SPEG: variants seen among roughly 807,000 people sequenced by gnomAD.
SPEG encodes the protein striated muscle preferentially expressed protein kinase.
A neutral mutation model predicts 300.4 loss-of-function variants in SPEG; 114 were observed. The ratio of observed to expected loss-of-function variants is 0.38; its 90% CI spans 0.33 to 0.44. The LOEUF (loss-of-function observed/expected upper bound fraction) is 0.44. Ranked by LOEUF, SPEG falls within the 20% of genes least tolerant of loss-of-function variation. SPEG has a pLI of 1.00. For synonymous variants in SPEG, 1,964 were observed against 2,018.9 expected (o/e 0.97, Z 0.73); for missense variants, 4,201 against 4,586.2 (o/e 0.92, Z 2.43).
intron 6 of SPEG, among the ~76,000 whole-genome samples, chr2:219,460,139 C>T (rs1189845769): frequency 6.6e-6 from 1 of 152,178 alleles, no homozygotes; most frequent in South Asian, 2.1e-4. Flanking sequence ...GGTGCCCTGG[C>T]GGTTTGGGTA....
chr2:219,482,372 C>G (rs1426232872), intron 28 of SPEG: 3 of 192,856 alleles, frequency 1.6e-5, no homozygotes, highest in Non-Finnish European at 3.2e-5. Flanking sequence ...CCGTCTTGGT[C>G]TGGACCACCA....
At position 219,477,318 on chromosome 2, in the gene SPEG, G is replaced by T. The variant is rs1692441736; in HGVS notation, c.4602G>T (p.Val1534=). ...LLTESSHVSF[V]YEENECSLVV... is the part of the protein sequence containing the mutation. The stretch of plus-strand genomic sequence containing the variant: ...CCGAGAGCAGCCATGTGAGCTTCGT[G>T]TACGAGGAGAATGAGTGCTCCCTGG... Residue 1534 remains valine (V), a synonymous_variant, in exon 20 of 41, where the codon GTG becomes GTT. Transcript: ENST00000312358. This position sits in a 1 kb window ranked among gnomAD's most constrained non-coding sequence, Gnocchi z 6.4. 1.2e-6 allele frequency: 2 copies of T among 1,613,484 alleles called. No homozygotes were observed. The highest frequency in any genetic ancestry group is 1.7e-6 in the Non-Finnish European group (2 of 1,179,892).
At position 219,484,968 on chromosome 2, in the gene SPEG, G is replaced by A; in HGVS notation, c.7505G>A (p.Arg2502Gln). 1.3e-6 allele frequency: 2 copies of A among 1,529,472 alleles called. No individual in the cohort carries two copies. The highest frequency in any genetic ancestry group is 1.7e-6 in the Non-Finnish European group (2 of 1,144,130). 94.7% of individuals were successfully genotyped at this position (1,529,472 alleles called of 1,614,324 possible). The change falls in exon 30 of 41, where the codon CGG (arginine) becomes CAG (glutamine). Residue 2502 changes from arginine (R) to glutamine (Q), a missense_variant. Physicochemically the swap from Arg to Gln is conservative, Grantham distance 43. This residue lies in a region of SPEG where 1,578 missense variants were observed against 1,506.0 expected (regional missense o/e 1.05). Coordinates refer to ENST00000312358, the MANE Select transcript of SPEG (RefSeq NM_005876.5). ...GCCACGTCCGAGGGCGAGAGTCTGC[G>A]GCGCCTTGGCCTTCCGCACAACCAG... Reference protein sequence around the residue: ...RRATSEGESLRRLGLPHNQLA... With the variant: ...RRATSEGESLQRLGLPHNQLA...
At position 219,484,960 on chromosome 2, in the gene SPEG, G is replaced by A; in HGVS notation, c.7497G>A (p.Glu2499=). The change falls in exon 30 of 41, where the codon GAG becomes GAA. Residue 2499 remains glutamate, a synonymous_variant. Transcript: ENST00000312358. ...TTCGCAGGGCCACGTCCGAGGGCGA[G>A]AGTCTGCGGCGCCTTGGCCTTCCGC... is the stretch of plus-strand genomic sequence containing the variant. ...GRLRRATSEG[E]SLRRLGLPHN... The A allele has an allele frequency of 6.5e-7, 1 of 1,529,672 alleles. No homozygotes were observed. Among genetic ancestry groups the A allele is most frequent in the Non-Finnish European group, 8.7e-7 (1 of 1,144,246 alleles). 94.8% of individuals were successfully genotyped at this position (1,529,672 alleles called of 1,614,324 possible).
chr2:219,473,852 G>T lies in SPEG; in HGVS notation c.4396G>T (p.Ala1466Ser). Residue 1466 changes from alanine (A) to serine (S), a missense_variant, in exon 18 of 41, where the codon GCC becomes TCC. This residue lies in a region of SPEG where 1,047 missense variants were observed against 1,356.8 expected (regional missense o/e 0.77). Transcript: ENST00000312358. This position sits in a 1 kb window ranked among gnomAD's most constrained non-coding sequence, Gnocchi z 4.6. ...RRDMGALTCTARNRHGTQTCS... is the reference protein window; with the variant it reads ...RRDMGALTCTSRNRHGTQTCS... ...GGACATGGGGGCCCTCACCTGCACC[G>T]CCCGAAACCGTCACGGCACACAGAC... The T allele has an allele frequency of 1.2e-6, 2 of 1,613,602 alleles. No individual in the cohort carries two copies. The highest frequency in any genetic ancestry group is 1.7e-6 in the Non-Finnish European group (2 of 1,180,012).
chr2:219,466,134 C>T, intron 9 of SPEG: 2 of 1,560,620 alleles, frequency 1.3e-6, no homozygotes, highest in South Asian at 2.3e-5. Flanking sequence ...ACCTCTCGGA[C>T]CTCGCTGTGT....
At position 219,468,526 on chromosome 2, in the gene SPEG, T is replaced by C; in HGVS notation, c.3143-52T>C. The stretch of plus-strand genomic sequence containing the variant: ...TTAGGTCAGGAGTGGTGGGTTGGGA[T>C]GCCTGGGCCTCCTTAGCCTTCCCTA... On this transcript the variant is annotated intron_variant, in intron 10 of 40. Transcript: ENST00000312358. 6 of 1,583,018 alleles carry C rather than the reference T, an allele frequency of 3.8e-6. No individual in the cohort carries two copies. The East Asian group carries it at 1.3e-4, about 35-fold the overall frequency.
rs536603959 is a variant in SPEG, at chr2:219,459,201, C to T, written c.2441-2681C>T. On this transcript the variant is annotated intron_variant, in intron 6 of 40. Transcript: ENST00000312358. The surrounding 1 kb of genome is among the most constrained non-coding windows in gnomAD (Gnocchi z 4.9). The stretch of plus-strand genomic sequence containing the variant: ...GGCGGTACTTCCGTGGTGGGTTGTT[C>T]GGGGCCATTGAGTGTATGTGCCTAT... Among the ~76,000 whole-genome samples, 6 of 152,252 alleles carry T rather than the reference C, an allele frequency of 3.9e-5. No homozygotes were observed. Among genetic ancestry groups the T allele is most frequent in the Admixed American group, 2.0e-4 (3 of 15,300 alleles).
Position 219,479,060 on chromosome 2 carries a change from C to A in SPEG, c.5028-84C>A. ...CATTCTGTAAGGGGAAGGAGAACCC[C>A]GTGCTGAGCTGGGACCTGCCCTGAG... On this transcript the variant is annotated intron_variant, in intron 22 of 40. Transcript: ENST00000312358. The surrounding 1 kb of genome is among the most constrained non-coding windows in gnomAD (Gnocchi z 5.5). The A allele has an allele frequency of 8.2e-7, 1 of 1,222,156 alleles. No homozygotes were observed. 75.7% of individuals were successfully genotyped at this position (1,222,156 alleles called of 1,614,324 possible). A position where few individuals can be genotyped will look rare whatever the true frequency, so the allele number is the denominator to read the frequency against.
Position 219,469,463 on chromosome 2 carries a change from C to T in SPEG, c.3715+84C>T. On this transcript the variant is annotated intron_variant, in intron 13 of 40. Coordinates refer to ENST00000312358, the MANE Select transcript of SPEG (RefSeq NM_005876.5). ...GCCCTGCCCCTCTCCCCAGCTCTCC[C>T]CAGGCCTTTCCTCTGTAGCCTGACC... 6.3e-6 allele frequency: 7 copies of T among 1,118,646 alleles called. No homozygotes were observed. The South Asian group carries it at 8.8e-5, about 14-fold the overall frequency. The allele number at this position is 1,118,646 out of a possible 1,614,324, so 69.3% of individuals were successfully genotyped here.
In SPEG at chr2:219,444,386, G is replaced by A. The variant is rs1225741426; in HGVS notation, c.389-267G>A. Reference sequence around the variant, plus strand: ...ATAATCCATTAAGATATTGGCAGGCGGGGAGGGGGTGGCAGTTTGGAGGGC... The same window carrying A: ...ATAATCCATTAAGATATTGGCAGGCAGGGAGGGGGTGGCAGTTTGGAGGGC... On this transcript the variant is annotated intron_variant, in intron 1 of 40. Coordinates refer to ENST00000312358, the MANE Select transcript of SPEG (RefSeq NM_005876.5). The surrounding 1 kb of genome is among the most constrained non-coding windows in gnomAD (Gnocchi z 7.8). Among the ~76,000 whole-genome samples the A allele has an allele frequency of 2.6e-5, 4 of 152,160 alleles. No individual in the cohort carries two copies. The highest frequency in any genetic ancestry group is 7.2e-5 in the African/African-American group (3 of 41,434).
chr2:219,483,527 C>T lies in SPEG; in HGVS notation c.6064C>T (p.Arg2022Trp). 1 of 1,405,738 alleles carries T rather than the reference C, an allele frequency of 7.1e-7. No homozygotes were observed. The allele number at this position is 1,405,738 out of a possible 1,614,324, so 87.1% of individuals were successfully genotyped here. A position where few individuals can be genotyped will look rare whatever the true frequency, so the allele number is the denominator to read the frequency against. Reference protein sequence around the residue: ...RGSSAESALPRAGPRELGRGL... With the variant: ...RGSSAESALPWAGPRELGRGL... ...CAGCTCGGCTGAGAGCGCCCTGCCC[C>T]GGGCCGGGCCGCGGGAGCTGGGCCG... Residue 2022 changes from arginine to tryptophan, a missense_variant, in exon 30 of 41, where the codon CGG becomes TGG. Coordinates refer to ENST00000312358, the MANE Select transcript of SPEG (RefSeq NM_005876.5).
At chr2:219,454,203 T>C (rs763661558) in intron 6 of SPEG, among the ~76,000 whole-genome samples, 4 of 152,198 alleles carry the variant, frequency 2.6e-5, no homozygotes, top group Non-Finnish European at 5.9e-5. Flanking sequence ...GGAGCCATGG[T>C]AACCAGGGAA....
chr2:219,460,183 G>A, intron 6 of SPEG: 1 of 527,272 alleles, frequency 1.9e-6, no homozygotes, highest in Non-Finnish European at 2.4e-6. Flanking sequence ...CCCTGTGGTG[G>A]CTGCTGGCCA....
At chr2:219,435,394 C>T in intron 1 of SPEG, 29 bp downstream of exon 1, 2 of 1,516,400 alleles carry the variant, frequency 1.3e-6, no homozygotes, top group East Asian at 2.5e-5. Context: ...CCGCGCCCGG[C>T]AGGGGCGGGG....
In SPEG at chr2:219,479,953, G is replaced by A. The variant is rs1692683780; in HGVS notation, c.5164-9G>A. On this transcript the variant is annotated splice_polypyrimidine_tract_variant and intron_variant, in intron 24 of 40. Transcript: ENST00000312358. This position sits in a 1 kb window ranked among gnomAD's most constrained non-coding sequence, Gnocchi z 5.5. ...ATTTGGCCCGCACACCTCGCCTTGTGTCTTCCAGCCTGAGAACCTGCTGGT... is the reference window on the plus strand; with the variant it reads ...ATTTGGCCCGCACACCTCGCCTTGTATCTTCCAGCCTGAGAACCTGCTGGT... 2.5e-6 allele frequency: 4 copies of A among 1,614,092 alleles called. No homozygotes were observed. In the African/African-American group the frequency reaches 4.0e-5, roughly 16 times the overall value.
At position 219,481,796 on chromosome 2, in the gene SPEG, C is replaced by T; in HGVS notation, c.5565+116C>T. ...GTAACCACGTTAGGCATTGTATGTA[C>T]ATATGACGTATTAGCCTCACAATAG... On this transcript the variant is annotated intron_variant, in intron 28 of 40. Coordinates refer to ENST00000312358, the MANE Select transcript of SPEG (RefSeq NM_005876.5). This position sits in a 1 kb window ranked among gnomAD's most constrained non-coding sequence, Gnocchi z 5.4. The T allele has an allele frequency of 1.1e-6, 1 of 893,408 alleles. No individual in the cohort carries two copies. 55.3% of individuals were successfully genotyped at this position (893,408 alleles called of 1,614,324 possible).
At position 219,481,894 on chromosome 2, in the gene SPEG, G is replaced by A. The variant is rs985457419; in HGVS notation, c.5565+214G>A. ...AGGCTCTAATCAGTGATGGAGTTGGGGGTATACATACTGGACTCCAGGGCA... is the reference window on the plus strand; with the variant it reads ...AGGCTCTAATCAGTGATGGAGTTGGAGGTATACATACTGGACTCCAGGGCA... On this transcript the variant is annotated intron_variant, in intron 28 of 40. Transcript: ENST00000312358. The surrounding 1 kb of genome is among the most constrained non-coding windows in gnomAD (Gnocchi z 5.4). 1.3e-5 allele frequency among the ~76,000 whole-genome samples: 2 copies of A among 152,168 alleles called. No individual in the cohort carries two copies. The highest frequency in any genetic ancestry group is 6.5e-5 in the Admixed American group (1 of 15,278).
chr2:219,480,655 T>G lies in SPEG; in HGVS notation c.5343-16T>G. The G allele has an allele frequency of 6.2e-7, 1 of 1,613,518 alleles. No homozygotes were observed. Among genetic ancestry groups the G allele is most frequent in the Non-Finnish European group, 8.5e-7 (1 of 1,179,698 alleles). ...GAGGGGCGGTCCTCTTACCTATCAC[T>G]CTCCTTTTCCCACAGGCCTGTGGGT... On this transcript the variant is annotated splice_polypyrimidine_tract_variant and intron_variant, in intron 25 of 40. Transcript: ENST00000312358. This position sits in a 1 kb window ranked among gnomAD's most constrained non-coding sequence, Gnocchi z 5.3.
Sources: gnomAD v4.1 joint callset for allele counts (sites outside exome capture counted in the v4.1 genomes callset) on GRCh38, gnomAD v4.1.1 for gene constraint, gnomAD v4.1.1 regional missense constraint, Gnocchi (gnomAD v3.1) non-coding constraint, MANE v1.5 for transcripts, NCBI Gene and HGNC (gene_info 2026-07-23, HGNC 2026-07-21) for gene names.